Variants in ECT2L observed in about 807,000 individuals in gnomAD.
ECT2L encodes the protein epithelial cell transforming 2 like, also known as epithelial cell-transforming sequence 2 oncogene-like.
ECT2L carries 126 observed loss-of-function variants against 122.8 expected under a neutral mutation model. That is an observed-to-expected ratio of 1.03 (90% confidence interval 0.89 to 1.19). The LOEUF (loss-of-function observed/expected upper bound fraction) is 1.19, where lower values mean the gene tolerates loss of function less well. Ranked by LOEUF, ECT2L falls within the 50% of genes most tolerant of loss-of-function variation. ECT2L has a pLI of 0.00. For missense variants in ECT2L, 1,012 were observed against 1,064.1 expected, an observed-to-expected ratio of 0.95 and a Z score of 0.68; for synonymous variants, 385 against 381.8, an observed-to-expected ratio of 1.01 and a Z score of -0.10.
At chr6:138,899,407 A>C (rs139712295) in intron 20 of ECT2L, among the ~76,000 whole-genome samples, 2 of 152,072 alleles carry the variant, frequency 1.3e-5, no homozygotes, top group East Asian at 1.9e-4. Context: ...CATTTTTGTA[A>C]GATAATGGCA....
At chr6:138,868,708 A>C (rs915498629) in intron 13 of ECT2L, among the ~76,000 whole-genome samples, 1 of 152,150 alleles carries the variant, frequency 6.6e-6, no homozygotes, top group Non-Finnish European at 1.5e-5. Flanking sequence ...GAGAAACCCA[A>C]AGAAACAATT....
intron 4 of ECT2L, among the ~76,000 whole-genome samples, chr6:138,836,170 T>C (rs936302424): frequency 1.3e-5 from 2 of 152,210 alleles, no homozygotes; most frequent in East Asian, 3.8e-4. Flanking sequence ...TTGTACTTAA[T>C]TTATATTTAA....
intron 13 of ECT2L, among the ~76,000 whole-genome samples, chr6:138,873,318 C>T (rs1458280549): frequency 1.3e-5 from 2 of 152,212 alleles, no homozygotes; most frequent in Non-Finnish European, 2.9e-5. Context: ...ACAAAGCCCA[C>T]AGAACAAATG....
At chr6:138,814,380 C>T in intron 3 of ECT2L, 111 bp from the exon 4 acceptor site, 1 of 607,394 alleles carries the variant, frequency 1.6e-6, no homozygotes, top group Non-Finnish European at 2.8e-6. Context: ...AACTGTAATG[C>T]ACTCTGCAAA....
At chr6:138,880,857 A>C in intron 14 of ECT2L, 100 bp from the exon 15 acceptor site, 1 of 1,005,316 alleles carries the variant, frequency 9.9e-7, no homozygotes, top group Non-Finnish European at 1.5e-6. Flanking sequence ...CTTCAACCTG[A>C]ACAGCACAAA....
In ECT2L at chr6:138,885,817, G is replaced by A. The variant is rs1252369769; in HGVS notation, c.2246G>A (p.Gly749Asp). Residue 749 changes from glycine to aspartate, a missense_variant, in exon 18 of 22, where the codon GGT becomes GAT. Physicochemically the swap from Gly to Asp is moderately conservative, Grantham distance 94. Coordinates refer to ENST00000541398, the MANE Select transcript of ECT2L (RefSeq NM_001077706.3). ...ATTGACCAAATCAAAAAATATAAAG[G>A]TTATATAGATCAGGTTGGTTGCTGA... ...TAIDQIKKYK[G>D]YIDQMKQNIT... The A allele has an allele frequency of 3.1e-6, 5 of 1,613,640 alleles. No homozygotes were observed. The highest frequency in any genetic ancestry group is 4.2e-6 in the Non-Finnish European group (5 of 1,179,894).
At chr6:138,885,881 G>A (rs1226746424) in intron 18 of ECT2L, 51 bp downstream of exon 18, 2 of 1,551,534 alleles carry the variant, frequency 1.3e-6, no homozygotes, top group Non-Finnish European at 1.8e-6. Flanking sequence ...CAATGCCTTT[G>A]TGGTACTCCC....
intron 10 of ECT2L, among the ~76,000 whole-genome samples, chr6:138,855,566 C>T (rs529108728): frequency 1.3e-5 from 2 of 152,230 alleles, no homozygotes; most frequent in Middle Eastern, 3.4e-3. Flanking sequence ...AAAATATTAA[C>T]AGCACCTATT....
intron 7 of ECT2L, 46 bp from the exon 8 acceptor site, chr6:138,846,493 A>T: frequency 6.5e-7 from 1 of 1,531,740 alleles, no homozygotes; most frequent in Non-Finnish European, 8.8e-7. Flanking sequence ...CCAAAACTCA[A>T]GGTAAGAGAA....
chr6:138,887,096 TAAG>T (rs891551005), intron 19 of ECT2L, among the ~76,000 whole-genome samples, 174 bp downstream of exon 19: 1 of 152,212 alleles, frequency 6.6e-6, no homozygotes, highest in African/African-American at 2.4e-5. Context: ...GGTTGCTCTA[TAAG>T]AAGGGGCACA....
At chr6:138,835,000 T>C (rs1464775316) in intron 4 of ECT2L, among the ~76,000 whole-genome samples, 1 of 151,862 alleles carries the variant, frequency 6.6e-6, no homozygotes, top group Non-Finnish European at 1.5e-5. Context: ...TTTACGCCAC[T>C]CTGTTTTGTC....
chr6:138,810,893 G>T (rs920577112), intron 1 of ECT2L, among the ~76,000 whole-genome samples: 1 of 152,164 alleles, frequency 6.6e-6, no homozygotes, highest in Non-Finnish European at 1.5e-5. Context: ...TAAAAATATT[G>T]ATGAGATGGA....
At chr6:138,819,246 A>AAAG (rs1554269144) in intron 4 of ECT2L, among the ~76,000 whole-genome samples, 63 of 125,148 alleles carry the variant, frequency 5.0e-4, no homozygotes, top group East Asian at 8.9e-4. Context: ...AAAAAAAAAA[A>AAAG]AAAAAGGAAA....
At chr6:138,822,289 C>T (rs751244782) in intron 4 of ECT2L, among the ~76,000 whole-genome samples, 1 of 152,186 alleles carries the variant, frequency 6.6e-6, no homozygotes. Context: ...CAGTGGCTCA[C>T]GCGCCTGTAA....
At chr6:138,822,936 G>A (rs1248532961) in intron 4 of ECT2L, 63 of 1,613,216 alleles carry the variant, frequency 3.9e-5, no homozygotes, top group Non-Finnish European at 5.3e-5. Context: ...CATGGTAGTG[G>A]CAATTTATGC....
At position 138,902,523 on chromosome 6, in the gene ECT2L, C is replaced by T; in HGVS notation, c.2611C>T (p.Gln871Ter). The T allele has an allele frequency of 6.2e-7, 1 of 1,613,252 alleles. No individual in the cohort carries two copies. The highest frequency in any genetic ancestry group is 1.1e-5 in the South Asian group (1 of 90,968). The change falls in exon 22 of 22, where the codon CAG (glutamine) becomes TAG (stop). Residue 871 changes from glutamine to a stop codon, truncating the protein, a stop_gained. Transcript: ENST00000541398. LOFTEE classifies it high-confidence loss of function. ...SKYVKNAFIL[Q>*]GPKYKWICAT... Reference sequence around the variant, plus strand: ...AGATGTCAAGAATGCATTTATTCTTCAGGGTCCAAAATATAAATGGATTTG... The same window carrying T: ...AGATGTCAAGAATGCATTTATTCTTTAGGGTCCAAAATATAAATGGATTTG...
intron 1 of ECT2L, among the ~76,000 whole-genome samples, chr6:138,802,360 A>G (rs146082390): frequency 2.4e-4 from 36 of 152,388 alleles, no homozygotes; most frequent in African/African-American, 8.4e-4. Flanking sequence ...ACTGTGAGAT[A>G]ATAAGTGTTT....
intron 8 of ECT2L, 86 bp downstream of exon 8, chr6:138,846,763 G>A: frequency 7.7e-7 from 1 of 1,304,920 alleles, no homozygotes; most frequent in Non-Finnish European, 1.0e-6. Flanking sequence ...TGTGTGACAA[G>A]CTTTTGGCCA....
chr6:138,814,488 T>G lies in ECT2L; in HGVS notation c.67-3T>G. Reference sequence around the variant, plus strand: ...ATGTCACTTCCTCCCCTCCCCCTTATAGCTCTTTCAGGAAAGAGTGGCTCT... The same window carrying G: ...ATGTCACTTCCTCCCCTCCCCCTTAGAGCTCTTTCAGGAAAGAGTGGCTCT... On this transcript the variant is annotated splice_polypyrimidine_tract_variant and splice_region_variant and intron_variant, in intron 3 of 21. Coordinates refer to ENST00000541398, the MANE Select transcript of ECT2L (RefSeq NM_001077706.3). The G allele has an allele frequency of 6.3e-7, 1 of 1,585,620 alleles. No homozygotes were observed. The highest frequency in any genetic ancestry group is 1.3e-5 in the African/African-American group (1 of 74,456).
Sources: allele counts gnomAD v4.1 joint callset (sites outside exome capture counted in the v4.1 genomes callset), GRCh38; gene constraint gnomAD v4.1.1; transcripts MANE v1.5; gene names NCBI Gene and HGNC (gene_info 2026-07-23, HGNC 2026-07-21).